The following MEGF11 variants were observed in gnomAD, a reference collection of about 807,000 sequenced individuals.
The protein encoded by MEGF11 is multiple EGF like domains 11.
In MEGF11, 126 loss-of-function variants were observed where a neutral mutation model predicts 146.6. That is an observed-to-expected ratio of 0.86 (90% CI 0.74 to 1.00). The LOEUF (loss-of-function observed/expected upper bound fraction) is 1.00, where lower values mean the gene tolerates loss of function less well. MEGF11 is among the 50% of genes least tolerant of loss of function. MEGF11 has a pLI of 0.00. For synonymous variants in MEGF11, 532 were observed against 583.4 expected (o/e 0.91, Z 1.27); for missense variants, 1,509 against 1,521.2 (o/e 0.99, Z 0.13).
intron 5 of MEGF11, among the ~76,000 whole-genome samples, chr15:66,014,818 T>C (rs1273261520): frequency 6.6e-6 from 1 of 152,114 alleles, no homozygotes; most frequent in Non-Finnish European, 1.5e-5. Flanking sequence ...TGACAAGGGA[T>C]GAATTATGAG....
chr15:66,080,378 ACCTGGCTCCTGCCTTC>A lies in MEGF11; in HGVS notation c.394+14008_394+14023del, dbSNP rs1305869972. Among the ~76,000 whole-genome samples, 123 of 152,012 alleles carry A rather than the reference ACCTGGCTCCTGCCTTC, an allele frequency of 8.1e-4. No homozygotes were observed. In the East Asian group the frequency reaches 0.019, roughly 24 times the overall value. ...TTCTAAAAGGGGGACCGCAGCACAC[ACCTGGCTCCTGCCTTC>A]CACTGCCCTCCCATGATGGCCTCGC... On this transcript the variant is annotated intron_variant, in intron 5 of 25. Transcript: ENST00000395614.
At chr15:66,014,812 A>G (rs1206452968) in intron 5 of MEGF11, among the ~76,000 whole-genome samples, 1 of 152,122 alleles carries the variant, frequency 6.6e-6, no homozygotes, top group Admixed American at 6.5e-5. Flanking sequence ...AGCCAGTGAC[A>G]AGGGATGAAT....
Position 66,205,154 on chromosome 15 carries a change from C to T in MEGF11, c.-9+48451G>A, listed in dbSNP as rs375713595. On this transcript the variant is annotated intron_variant, in intron 1 of 25. Transcript: ENST00000395614. ...AGACAAGAAACTTTTAGATAATAGC[C>T]ACTCAGTCAGACACAGTGGCTCATG... 4.6e-5 allele frequency among the ~76,000 whole-genome samples: 7 copies of T among 152,054 alleles called. No homozygotes were observed. The East Asian group carries it at 9.7e-4, about 21-fold the overall frequency.
At chr15:66,204,182 G>A (rs986688436) in intron 1 of MEGF11, among the ~76,000 whole-genome samples, 3 of 152,040 alleles carry the variant, frequency 2.0e-5, no homozygotes, top group Middle Eastern at 3.2e-3. Flanking sequence ...CAGGCAGATC[G>A]CTTGAGCCCA....
intron 5 of MEGF11, chr15:66,040,354 T>G (rs910647275): frequency 6.5e-6 from 1 of 154,754 alleles, no homozygotes; most frequent in Non-Finnish European, 1.5e-5. Flanking sequence ...TGGTGGTGGC[T>G]GCAGAAAGTG....
intron 4 of MEGF11, among the ~76,000 whole-genome samples, chr15:66,113,705 C>T (rs1304303760): frequency 6.6e-6 from 1 of 152,098 alleles, no homozygotes; most frequent in Non-Finnish European, 1.5e-5. Flanking sequence ...CACAGTGAAA[C>T]CCCGTCTCTA....
intron 5 of MEGF11, among the ~76,000 whole-genome samples, chr15:65,990,205 C>G (rs963537031): frequency 2.0e-5 from 3 of 151,900 alleles, no homozygotes; most frequent in Non-Finnish European, 4.4e-5. Context: ...GACTCTGTCT[C>G]TAAAAATAAG....
chr15:66,172,509 G>A (rs1445547929), intron 1 of MEGF11, among the ~76,000 whole-genome samples: 1 of 152,154 alleles, frequency 6.6e-6, no homozygotes, highest in Non-Finnish European at 1.5e-5. Context: ...ACTGGACTGG[G>A]CTTTCCCCGC....
chr15:66,039,814 C>CAGCCTTCTCT (rs1567213481), intron 5 of MEGF11, among the ~76,000 whole-genome samples: 28 of 80,256 alleles, frequency 3.5e-4, no homozygotes, highest in East Asian at 7.7e-4. Flanking sequence ...GGGTGACGGT[C>CAGCCTTCTCT]CTGAGCCGGG....
intron 1 of MEGF11, among the ~76,000 whole-genome samples, chr15:66,161,041 G>T (rs117637132): frequency 6.6e-6 from 1 of 152,160 alleles, no homozygotes; most frequent in Admixed American, 6.5e-5. Context: ...AGGCAGGCCC[G>T]TGGCTCGTGA....
intron 24 of MEGF11, among the ~76,000 whole-genome samples, chr15:65,904,810 A>G (rs1309031227): frequency 6.6e-6 from 1 of 152,172 alleles, no homozygotes; most frequent in African/African-American, 2.4e-5. Context: ...GAATATCTGT[A>G]TTTTTAATAA....
At chr15:66,214,644 G>A (rs532924724) in intron 1 of MEGF11, among the ~76,000 whole-genome samples, 1 of 152,308 alleles carries the variant, frequency 6.6e-6, no homozygotes, top group South Asian at 2.1e-4. Flanking sequence ...GACTGTTCAG[G>A]CAGAGACACC....
In MEGF11 at chr15:66,128,344, C is replaced by T. The variant is rs1314476859; in HGVS notation, c.60G>A (p.Leu20=). 3 of 1,524,724 alleles carry T rather than the reference C, an allele frequency of 2.0e-6. No individual in the cohort carries two copies. Among genetic ancestry groups the T allele is most frequent in the Non-Finnish European group, 2.6e-6 (3 of 1,134,632 alleles). The allele number at this position is 1,524,724 out of a possible 1,614,324, so 94.4% of individuals were successfully genotyped here. A position where few individuals can be genotyped will look rare whatever the true frequency, so the allele number is the denominator to read the frequency against. Reference sequence around the variant, plus strand: ...TGCACACGTTGGGGTCCTCGGGGTTCAGGGCAAGGGTGGCTTGCAGGAAGG... The same window carrying T: ...TGCACACGTTGGGGTCCTCGGGGTTTAGGGCAAGGGTGGCTTGCAGGAAGG... ...AFSFLQATLA[L]NPEDPNVCSH... is the part of the protein sequence containing the mutation. The change falls in exon 2 of 26, where the codon CTG becomes CTA. Residue 20 remains leucine (L), a synonymous_variant. Coordinates refer to ENST00000395614, the MANE Select transcript of MEGF11 (RefSeq NM_001385028.1).
chr15:66,077,018 G>T (rs751527489), intron 5 of MEGF11, among the ~76,000 whole-genome samples: 1 of 152,194 alleles, frequency 6.6e-6, no homozygotes, highest in Non-Finnish European at 1.5e-5. Context: ...GAGTTAAAAG[G>T]TTGCCCACCA....
chr15:66,027,316 AT>A (rs1401435010), intron 5 of MEGF11, among the ~76,000 whole-genome samples: 5 of 152,178 alleles, frequency 3.3e-5, no homozygotes, highest in Non-Finnish European at 5.9e-5. Flanking sequence ...TAAACAACTT[AT>A]CACCCTCTTC....
At chr15:65,943,600 G>C (rs1039051077) in intron 10 of MEGF11, among the ~76,000 whole-genome samples, 3 of 152,160 alleles carry the variant, frequency 2.0e-5, no homozygotes, top group Non-Finnish European at 2.9e-5. Context: ...ATTTGGGCCT[G>C]CTGTCCCAGT....
At chr15:65,902,939 T>C (rs1351186757) in intron 24 of MEGF11, among the ~76,000 whole-genome samples, 4 of 152,156 alleles carry the variant, frequency 2.6e-5, no homozygotes, top group Non-Finnish European at 4.4e-5. Context: ...TCTAGGTGCA[T>C]GCTAACCTCC....
intron 1 of MEGF11, among the ~76,000 whole-genome samples, chr15:66,170,515 C>T (rs2090220928): frequency 6.6e-6 from 1 of 152,232 alleles, no homozygotes; most frequent in Non-Finnish European, 1.5e-5. Context: ...CCTGGCCTAT[C>T]AGGGCATGCC....
At chr15:65,939,800 AC>A (rs2079920400) in intron 10 of MEGF11, among the ~76,000 whole-genome samples, 1 of 151,250 alleles carries the variant, frequency 6.6e-6, no homozygotes, top group Admixed American at 6.6e-5. Context: ...GCCCTCTTTA[AC>A]TCTCCCCCAG....
Sources: gnomAD v4.1 joint callset for allele counts (sites outside exome capture counted in the v4.1 genomes callset) on GRCh38, gnomAD v4.1.1 for gene constraint, MANE v1.5 for transcripts, NCBI Gene and HGNC (gene_info 2026-07-23, HGNC 2026-07-21) for gene names.